The following RAPGEF5 variants were observed in gnomAD, a reference collection of about 807,000 sequenced individuals.
RAPGEF5 encodes Rap guanine nucleotide exchange factor 5, also known as M-Ras-regulated GEF.
A neutral mutation model predicts 125.2 loss-of-function variants in RAPGEF5; 65 were observed. The observed-to-expected ratio is 0.52, with a 90% CI of 0.43 to 0.64. RAPGEF5 has a LOEUF of 0.64. Ranked by LOEUF, RAPGEF5 falls within the 30% of genes least tolerant of loss-of-function variation. RAPGEF5 has a pLI of 0.00. For missense variants in RAPGEF5, 958 were observed against 1,048.1 expected, an observed-to-expected ratio of 0.91 and a Z score of 1.19; for synonymous variants, 391 against 385.9, an observed-to-expected ratio of 1.01 and a Z score of -0.16.
chr7:22,136,173 T>C (rs1783074752), intron 22 of RAPGEF5, 48 bp from the exon 23 acceptor site: 2 of 1,369,032 alleles, frequency 1.5e-6, no homozygotes, highest in Non-Finnish European at 2.0e-6. Context: ...CAATGTGCTA[T>C]AGAAACAATT....
chr7:22,200,730 C>A (rs1785257440), intron 9 of RAPGEF5, among the ~76,000 whole-genome samples: 1 of 152,116 alleles, frequency 6.6e-6, no homozygotes, highest in Non-Finnish European at 1.5e-5. Flanking sequence ...TGTATGTATT[C>A]AATCTCATTG....
chr7:22,188,339 C>T (rs920840870), intron 11 of RAPGEF5, among the ~76,000 whole-genome samples: 1 of 152,116 alleles, frequency 6.6e-6, no homozygotes, highest in African/African-American at 2.4e-5. Context: ...CTTAATTTTC[C>T]TCCATGAAAA....
In RAPGEF5 at chr7:22,157,788, C is replaced by A. The variant is rs541736413; in HGVS notation, c.1557+67G>T. 2.0e-6 allele frequency: 3 copies of A among 1,514,228 alleles called. No individual in the cohort carries two copies. The East Asian group carries it at 6.8e-5, about 34-fold the overall frequency. The allele number at this position is 1,514,228 out of a possible 1,614,324, so 93.8% of individuals were successfully genotyped here. ...GTATTCATTTTAATTATGAAACACG[C>A]CAAGGGAGGCAAGGCAAGGTCTCCA... is the stretch of plus-strand genomic sequence containing the variant. On this transcript the variant is annotated intron_variant, in intron 15 of 25. Coordinates refer to ENST00000665637, the MANE Select transcript of RAPGEF5 (RefSeq NM_012294.5).
At chr7:22,173,510 C>T (rs1360255215) in intron 11 of RAPGEF5, among the ~76,000 whole-genome samples, 1 of 152,112 alleles carries the variant, frequency 6.6e-6, no homozygotes, top group African/African-American at 2.4e-5. Context: ...GTTTATATAT[C>T]AAATCTTAAA....
intron 12 of RAPGEF5, among the ~76,000 whole-genome samples, chr7:22,164,837 C>T (rs1250106529): frequency 6.6e-6 from 1 of 152,090 alleles, no homozygotes; most frequent in East Asian, 1.9e-4. Context: ...CTTTATGATG[C>T]TATTAAATAC....
intron 22 of RAPGEF5, 50 bp from the exon 23 acceptor site, chr7:22,136,175 G>T: frequency 7.4e-7 from 1 of 1,355,416 alleles, no homozygotes; most frequent in Non-Finnish European, 1.0e-6. Context: ...ATGTGCTATA[G>T]AAACAATTCT....
intron 5 of RAPGEF5, among the ~76,000 whole-genome samples, chr7:22,304,250 TAGTACTTTAGA>T (rs1218577854): frequency 6.6e-6 from 1 of 152,208 alleles, no homozygotes; most frequent in Non-Finnish European, 1.5e-5. Flanking sequence ...TTTATATATT[TAGTACTTTAGA>T]ACAGACAGGT....
chr7:22,332,073 T>C (rs1259147840), intron 1 of RAPGEF5, among the ~76,000 whole-genome samples: 3 of 152,186 alleles, frequency 2.0e-5, no homozygotes, highest in East Asian at 1.9e-4. Flanking sequence ...AAAATGGTTA[T>C]GATGAAAAAT....
intron 11 of RAPGEF5, among the ~76,000 whole-genome samples, chr7:22,168,524 T>C (rs1401042873): frequency 6.6e-6 from 1 of 152,246 alleles, no homozygotes; most frequent in African/African-American, 2.4e-5. Flanking sequence ...GATCTACATG[T>C]TATAATGATG....
intron 3 of RAPGEF5, among the ~76,000 whole-genome samples, chr7:22,313,709 G>A (rs1005232034): frequency 2.4e-4 from 37 of 152,292 alleles, no homozygotes; most frequent in African/African-American, 8.7e-4. Context: ...GTTACACATG[G>A]CCTCATGTAA....
intron 11 of RAPGEF5, 111 bp downstream of exon 11, chr7:22,193,256 C>T (rs776172980): frequency 8.4e-7 from 1 of 1,191,780 alleles, no homozygotes; most frequent in Non-Finnish European, 1.2e-6. Context: ...AAAGCATATG[C>T]TATTTCTCCC....
At chr7:22,137,397 G>A (rs1256545475) in intron 21 of RAPGEF5, among the ~76,000 whole-genome samples, 1 of 152,174 alleles carries the variant, frequency 6.6e-6, no homozygotes, top group Non-Finnish European at 1.5e-5. Flanking sequence ...ACAGCATTGG[G>A]CTAAATAGTG....
At position 22,140,118 on chromosome 7, in the gene RAPGEF5, A is replaced by G. The variant is rs922030028; in HGVS notation, c.2187-3T>C. On this transcript the variant is annotated splice_region_variant and splice_polypyrimidine_tract_variant and intron_variant, in intron 20 of 25. Transcript: ENST00000665637. ...TCAGGTTTCTCTGGGCTTTGCAGCTATAAAATAAAAGAGAGTAGAGGACAC... is the reference window on the plus strand; with the variant it reads ...TCAGGTTTCTCTGGGCTTTGCAGCTGTAAAATAAAAGAGAGTAGAGGACAC... The G allele has an allele frequency of 1.1e-5, 17 of 1,551,500 alleles. No individual in the cohort carries two copies. In the African/African-American group the frequency reaches 2.1e-4, roughly 19 times the overall value.
At chr7:22,214,802 G>C (rs1785596685) in intron 9 of RAPGEF5, among the ~76,000 whole-genome samples, 1 of 151,806 alleles carries the variant, frequency 6.6e-6, no homozygotes, top group Admixed American at 6.6e-5. Flanking sequence ...TGGCTTCTGG[G>C]CCACCTATCA....
At chr7:22,135,910 C>T in intron 23 of RAPGEF5, 128 bp downstream of exon 23, 1 of 651,668 alleles carries the variant, frequency 1.5e-6, no homozygotes. Flanking sequence ...CAAGGCAACA[C>T]AATTAGGTCT....
Position 22,273,701 on chromosome 7 carries a change from A to G in RAPGEF5, c.748-6689T>C, listed in dbSNP as rs570359106. On this transcript the variant is annotated intron_variant, in intron 6 of 25. Transcript: ENST00000665637. ...TAAACGTCTATTAAGTCTGCTACAC[A>G]TGCACCTAATATGATAGAGGTTCAC... Among the ~76,000 whole-genome samples the G allele has an allele frequency of 5.9e-5, 9 of 152,340 alleles. 1 individual carries two copies. The East Asian group carries it at 1.5e-3, about 26-fold the overall frequency.
intron 12 of RAPGEF5, among the ~76,000 whole-genome samples, chr7:22,164,208 G>A (rs1028757389): frequency 1.3e-5 from 2 of 152,120 alleles, no homozygotes; most frequent in African/African-American, 4.8e-5. Flanking sequence ...ATGGGCATCT[G>A]TAGAGCCAGC....
At chr7:22,328,011 T>TTTGGAAA (rs2128157097) in intron 1 of RAPGEF5, among the ~76,000 whole-genome samples, 1 of 152,324 alleles carries the variant, frequency 6.6e-6, no homozygotes, top group East Asian at 1.9e-4. Context: ...ACTCAAGAAA[T>TTTGGAAA]TTGGAAATTT....
At chr7:22,125,682 A>G (rs143772045) in intron 24 of RAPGEF5, 24 bp from the exon 25 acceptor site, 71 of 1,594,334 alleles carry the variant, frequency 4.5e-5, no homozygotes, top group Middle Eastern at 3.3e-4. Context: ...CAGGAAACAC[A>G]TCAATGGAAG....
Sources: gnomAD v4.1 joint callset for allele counts (sites outside exome capture counted in the v4.1 genomes callset) on GRCh38, gnomAD v4.1.1 for gene constraint, MANE v1.5 for transcripts, NCBI Gene and HGNC (gene_info 2026-07-23, HGNC 2026-07-21) for gene names.